Variants in NADSYN1 observed in about 807,000 individuals in gnomAD.
NADSYN1 encodes glutamine-dependent NAD(+) synthetase.
In NADSYN1, 80 loss-of-function variants were observed where a neutral mutation model predicts 99.3. The ratio of observed to expected loss-of-function variants is 0.81; its 90% CI spans 0.67 to 0.97. The LOEUF (loss-of-function observed/expected upper bound fraction) is 0.97. NADSYN1 is among the 50% of genes least tolerant of loss of function. The probability of loss-of-function intolerance (pLI) is 0.00; values close to 1 mark genes in which losing one functional copy is unlikely to be tolerated. For missense variants in NADSYN1, 859 were observed against 948.5 expected (o/e 0.91, Z 1.24); for synonymous variants, 385 against 372.1 (o/e 1.03, Z -0.40).
intron 3 of NADSYN1, among the ~76,000 whole-genome samples, chr11:71,462,420 G>T (rs1050550954): frequency 6.6e-6 from 1 of 152,158 alleles, no homozygotes; most frequent in Non-Finnish European, 1.5e-5. Context: ...TGGCCTGGAA[G>T]CCCGTCCCTG....
chr11:71,479,585 C>A (rs919101073), intron 10 of NADSYN1: 1 of 152,252 alleles, frequency 6.6e-6, no homozygotes, highest in East Asian at 1.9e-4. Flanking sequence ...CTGGCAACCA[C>A]AAGTCTACTG....
chr11:71,453,582 C>T (rs1195344705), intron 1 of NADSYN1, among the ~76,000 whole-genome samples: 1 of 152,162 alleles, frequency 6.6e-6, no homozygotes, highest in African/African-American at 2.4e-5. Flanking sequence ...TTATAGTTCC[C>T]GGGGACGAGC....
chr11:71,501,206 C>T, intron 20 of NADSYN1, 96 bp from the exon 21 acceptor site: 1 of 1,196,208 alleles, frequency 8.4e-7, no homozygotes. Context: ...TTTTTCACCT[C>T]TGGGACTTGT....
intron 12 of NADSYN1, 155 bp downstream of exon 12, chr11:71,481,559 T>C: frequency 2.7e-6 from 2 of 738,690 alleles, no homozygotes; most frequent in Non-Finnish European, 4.4e-6. Flanking sequence ...TAGTCTGTGC[T>C]AGCCAGAGGC....
rs117113111 is a variant in NADSYN1, at chr11:71,494,048, T to G, written c.1764+2145T>G. ...AAAGTTACAATAAGCTAAGGTTAAT[T>G]TATTATTGAAGGAAGAAAAATATAT... On this transcript the variant is annotated intron_variant, in intron 18 of 20. Coordinates refer to ENST00000319023, the MANE Select transcript of NADSYN1 (RefSeq NM_018161.5). 2.5e-3 allele frequency among the ~76,000 whole-genome samples: 382 copies of G among 152,234 alleles called. 10 individuals carry two copies. The East Asian group carries it at 0.059, about 24-fold the overall frequency.
intron 8 of NADSYN1, 22 bp downstream of exon 8, chr11:71,473,708 G>A (rs565686997): frequency 1.3e-4 from 206 of 1,538,782 alleles, no homozygotes; most frequent in South Asian, 6.7e-4. Flanking sequence ...GCCAGGGAGC[G>A]TGCGCCACAG....
intron 2 of NADSYN1, among the ~76,000 whole-genome samples, chr11:71,457,934 A>T (rs1290042445): frequency 1.3e-5 from 2 of 152,184 alleles, no homozygotes; most frequent in Admixed American, 6.5e-5. Flanking sequence ...CAGGTTTCTA[A>T]GGTGGGGTGT....
intron 2 of NADSYN1, among the ~76,000 whole-genome samples, chr11:71,457,586 G>A (rs924464807): frequency 6.6e-6 from 1 of 152,230 alleles, no homozygotes; most frequent in African/African-American, 2.4e-5. Flanking sequence ...GAGGCTTAAA[G>A]CAACAGAAAT....
Position 71,464,105 on chromosome 11 carries a change from C to T in NADSYN1, c.370C>T (p.Arg124Cys), listed in dbSNP as rs540999843. ...KMALANEGNY[R>C]ELRWFTPWSR... is the part of the protein sequence containing the mutation. The stretch of plus-strand genomic sequence containing the variant: ...GGCCTTGGCCAATGAAGGCAACTAC[C>T]GCGAGCTGCGCTGGTTCACCCCGTG... Residue 124 changes from arginine (R) to cysteine (C), a missense_variant, in exon 5 of 21, where the codon CGC becomes TGC. By Grantham distance (180) the Arg-to-Cys change is radical. Coordinates refer to ENST00000319023, the MANE Select transcript of NADSYN1 (RefSeq NM_018161.5). The T allele has an allele frequency of 3.3e-5, 53 of 1,612,090 alleles. No individual in the cohort carries two copies. Among genetic ancestry groups the T allele is most frequent in the South Asian group, 8.8e-5 (8 of 90,500 alleles).
chr11:71,497,646 A>G, intron 19 of NADSYN1, 35 bp downstream of exon 19: 4 of 1,613,336 alleles, frequency 2.5e-6, no homozygotes, highest in Non-Finnish European at 3.4e-6. Context: ...GAGGGAGGCC[A>G]GTTAGGTAAT....
chr11:71,471,543 T>C (rs1790340), intron 5 of NADSYN1, among the ~76,000 whole-genome samples: 42,148 of 152,014 alleles, frequency 0.28, 6,347 homozygotes, highest in South Asian at 0.45. Context: ...GTGTCCAGGG[T>C]GTCTTTGCAT....
intron 9 of NADSYN1, chr11:71,477,216 C>A: frequency 8.4e-7 from 1 of 1,186,124 alleles, no homozygotes; most frequent in Non-Finnish European, 1.1e-6. Flanking sequence ...GTCAGGCCGC[C>A]GTGCGGCAGG....
At chr11:71,497,683 C>G in intron 19 of NADSYN1, 72 bp downstream of exon 19, 16 of 1,588,128 alleles carry the variant, frequency 1.0e-5, no homozygotes, top group Non-Finnish European at 1.4e-5. Flanking sequence ...CCGGTTTGAC[C>G]TGTAGGAACA....
At chr11:71,458,306 G>A (rs1477431741) in intron 2 of NADSYN1, 122 bp from the exon 3 acceptor site, 1 of 722,646 alleles carries the variant, frequency 1.4e-6, no homozygotes, top group Non-Finnish European at 2.5e-6. Flanking sequence ...CACCTGGAAG[G>A]CTTTGAGAAA....
At chr11:71,499,648 C>T (rs1475842059) in intron 20 of NADSYN1, 1 of 152,144 alleles carries the variant, frequency 6.6e-6, no homozygotes. Flanking sequence ...TTCCCTTTTC[C>T]AAAGCCAGTT....
intron 11 of NADSYN1, 75 bp downstream of exon 11, chr11:71,480,954 T>G (rs1013980193): frequency 2.5e-6 from 4 of 1,581,122 alleles, no homozygotes; most frequent in Non-Finnish European, 3.5e-6. Context: ...CTCCTGGAGG[T>G]CACGCAGTGG....
At position 71,453,335 on chromosome 11, in the gene NADSYN1, C is replaced by T. The variant is rs569180944; in HGVS notation, c.39C>T (p.Asn13=). The change falls in exon 1 of 21, where the codon AAC becomes AAT. Residue 13 remains asparagine (N), a synonymous_variant. Transcript: ENST00000319023. ...RKVTVATCAL[N]QWALDFEGNL... Reference sequence around the variant, plus strand: ...TGACCGTGGCCACCTGCGCACTCAACCAGTGGGCCCTGGACTTCGAGGGCA... The same window carrying T: ...TGACCGTGGCCACCTGCGCACTCAATCAGTGGGCCCTGGACTTCGAGGGCA... The T allele has an allele frequency of 9.9e-6, 16 of 1,613,912 alleles. No homozygotes were observed. In the African/African-American group the frequency reaches 1.9e-4, roughly 19 times the overall value.
intron 20 of NADSYN1, chr11:71,498,801 G>A (rs1042108728): frequency 2.8e-5 from 9 of 322,254 alleles, no homozygotes; most frequent in Non-Finnish European, 5.3e-5. Context: ...TCACATGTGC[G>A]TGCCTTACCC....
At chr11:71,466,754 A>G (rs1483225133) in intron 5 of NADSYN1, 1 of 152,180 alleles carries the variant, frequency 6.6e-6, no homozygotes, top group Non-Finnish European at 1.5e-5. Context: ...GACCCTCATA[A>G]CTGAAGCCAT....
Sources: gnomAD v4.1 joint callset for allele counts (sites outside exome capture counted in the v4.1 genomes callset) on GRCh38, gnomAD v4.1.1 for gene constraint, MANE v1.5 for transcripts, NCBI Gene and HGNC (gene_info 2026-07-23, HGNC 2026-07-21) for gene names.